Variants in NTM observed in about 807,000 individuals in gnomAD.
The protein encoded by NTM is neurotrimin, also known as IgLON family member 2.
NTM carries 13 observed loss-of-function variants against 42.1 expected under a neutral mutation model. The ratio of observed to expected loss-of-function variants is 0.31; its 90% CI spans 0.20 to 0.49. The LOEUF is 0.49. Ranked by LOEUF, NTM falls within the 20% of genes least tolerant of loss-of-function variation. The pLI is 0.99. For missense variants in NTM, 373 were observed against 452.8 expected (o/e 0.82, Z 1.60); for synonymous variants, 187 against 179.2 (o/e 1.04, Z -0.35).
intron 2 of NTM, among the ~76,000 whole-genome samples, chr11:131,978,615 G>C (rs1392175849): frequency 6.6e-6 from 1 of 152,000 alleles, no homozygotes; most frequent in African/African-American, 2.4e-5. Flanking sequence ...TGTTCCCGAG[G>C]CTCCCGCAGC....
chr11:131,723,744 T>C lies in NTM; in HGVS notation c.83-187820T>C, dbSNP rs555166480. On this transcript the variant is annotated intron_variant, in intron 1 of 8. Coordinates refer to ENST00000683400, the MANE Select transcript of NTM (RefSeq NM_001352005.2). ...CTTCTTGTGTCTTTCCTTTTTCATC[T>C]TGTTTGCCCTCCCCTAATATATTCA... Among the ~76,000 whole-genome samples the C allele has an allele frequency of 7.2e-5, 11 of 152,324 alleles. No individual in the cohort carries two copies. The East Asian group carries it at 2.1e-3, about 29-fold the overall frequency.
intron 1 of NTM, among the ~76,000 whole-genome samples, chr11:131,598,762 C>G (rs11222712): frequency 2.2e-4 from 8 of 36,766 alleles, no homozygotes; most frequent in African/African-American, 7.0e-4. Context: ...TTTCTTCTTT[C>G]TTTTTTTCTT....
At chr11:132,192,475 G>T (rs1402237208) in intron 3 of NTM, among the ~76,000 whole-genome samples, 1 of 152,160 alleles carries the variant, frequency 6.6e-6, no homozygotes, top group Non-Finnish European at 1.5e-5. Context: ...AAGGGAATTT[G>T]TTACCACCAG....
intron 2 of NTM, among the ~76,000 whole-genome samples, chr11:132,135,070 T>A (rs1313983327): frequency 6.6e-6 from 1 of 152,100 alleles, no homozygotes; most frequent in Admixed American, 6.5e-5. Context: ...CCACAGAATG[T>A]CCCTCGTTAG....
At chr11:131,878,699 C>T (rs1432080498) in intron 1 of NTM, among the ~76,000 whole-genome samples, 2 of 146,290 alleles carry the variant, frequency 1.4e-5, no homozygotes, top group Admixed American at 1.4e-4. Flanking sequence ...TTAAATCTTG[C>T]ACTACCTCTC....
chr11:131,654,343 C>T (rs1565379976), intron 1 of NTM, among the ~76,000 whole-genome samples: 1 of 152,222 alleles, frequency 6.6e-6, no homozygotes, highest in Non-Finnish European at 1.5e-5. Context: ...CGGTGTCCTT[C>T]TGTGTGTCCC....
chr11:131,434,946 C>A (rs762038354), intron 1 of NTM, among the ~76,000 whole-genome samples: 1 of 152,084 alleles, frequency 6.6e-6, no homozygotes, highest in Non-Finnish European at 1.5e-5. Context: ...GTCTTTAATC[C>A]ATCTTGAATT....
chr11:131,785,235 G>C (rs1053063970), intron 1 of NTM, among the ~76,000 whole-genome samples: 1 of 152,166 alleles, frequency 6.6e-6, no homozygotes, highest in Non-Finnish European at 1.5e-5. Flanking sequence ...TGGCAGGTGG[G>C]AGCCTGGCAA....
At chr11:131,709,017 G>A (rs2076855871) in intron 1 of NTM, among the ~76,000 whole-genome samples, 1 of 152,104 alleles carries the variant, frequency 6.6e-6, no homozygotes. Flanking sequence ...AATGGAGCAA[G>A]TTCTGTGGGG....
At chr11:131,802,491 T>G (rs571817345) in intron 1 of NTM, among the ~76,000 whole-genome samples, 1 of 152,304 alleles carries the variant, frequency 6.6e-6, no homozygotes, top group Non-Finnish European at 1.5e-5. Context: ...CCCATCCCCA[T>G]GAGCAGCACC....
At chr11:131,771,265 T>C (rs1244219421) in intron 1 of NTM, 1 of 152,206 alleles carries the variant, frequency 6.6e-6, no homozygotes, top group African/African-American at 2.4e-5. Context: ...TTGGTTTTTA[T>C]GCAATTCTGT....
At chr11:131,500,124 C>T (rs2046556912) in intron 1 of NTM, among the ~76,000 whole-genome samples, 2 of 152,332 alleles carry the variant, frequency 1.3e-5, no homozygotes, top group Admixed American at 1.3e-4. Context: ...CATCAGTGGC[C>T]ACGGGCTCCA....
intron 5 of NTM, among the ~76,000 whole-genome samples, chr11:132,308,495 T>C (rs1389829824): frequency 3.9e-5 from 6 of 152,096 alleles, no homozygotes; most frequent in Non-Finnish European, 5.9e-5. Context: ...CCTTTCACTC[T>C]TTTCCCTCTG....
chr11:131,755,676 T>C (rs2083237759), intron 1 of NTM, among the ~76,000 whole-genome samples: 1 of 152,204 alleles, frequency 6.6e-6, no homozygotes, highest in African/African-American at 2.4e-5. Flanking sequence ...AATTCATGTG[T>C]GGAAGGATTT....
chr11:131,902,928 G>A (rs181392153), intron 1 of NTM, among the ~76,000 whole-genome samples: 13 of 152,168 alleles, frequency 8.5e-5, no homozygotes, highest in Non-Finnish European at 1.5e-4. Context: ...ATCCGTGTGT[G>A]TACAGAATAT....
chr11:131,658,829 G>A (rs1426746525), intron 1 of NTM, among the ~76,000 whole-genome samples: 4 of 152,108 alleles, frequency 2.6e-5, no homozygotes, highest in Non-Finnish European at 5.9e-5. Context: ...AAATTAGCTG[G>A]GCATGGTGGC....
chr11:131,380,776 C>T (rs915138530), intron 1 of NTM, among the ~76,000 whole-genome samples: 2 of 152,166 alleles, frequency 1.3e-5, no homozygotes, highest in African/African-American at 4.8e-5. Context: ...TTCAGCTGCC[C>T]TGTAACTCTG....
At chr11:131,498,172 G>A (rs1775135405) in intron 1 of NTM, among the ~76,000 whole-genome samples, 1 of 152,162 alleles carries the variant, frequency 6.6e-6, no homozygotes, top group Non-Finnish European at 1.5e-5. Context: ...CCAAGCATTT[G>A]CTTCCAACGG....
intron 1 of NTM, among the ~76,000 whole-genome samples, chr11:131,809,525 G>A (rs184581127): frequency 9.8e-5 from 15 of 152,290 alleles, no homozygotes; most frequent in African/African-American, 2.9e-4. Flanking sequence ...AATGACAGGC[G>A]GGTTTCACAG....
Sources: allele counts gnomAD v4.1 joint callset (sites outside exome capture counted in the v4.1 genomes callset), GRCh38; gene constraint gnomAD v4.1.1; transcripts MANE v1.5; gene names NCBI Gene and HGNC (gene_info 2026-07-23, HGNC 2026-07-21).